IKZF5: variants seen among roughly 807,000 people sequenced by gnomAD.
IKZF5 encodes IKAROS family zinc finger 5, also known as zinc finger protein Pegasus.
In IKZF5, 4 loss-of-function variants were observed where a neutral mutation model predicts 30.7. The observed-to-expected ratio is 0.13, with a 90% confidence interval of 0.06 to 0.30. The LOEUF is 0.30. Among genes scored for constraint, IKZF5 ranks in the 10% least tolerant of loss-of-function variants. The pLI, the probability that IKZF5 is intolerant of heterozygous loss-of-function variation, is 1.00. For missense variants in IKZF5, 348 were observed against 525.5 expected (o/e 0.66, Z 3.30); for synonymous variants, 148 against 179.6 (o/e 0.82, Z 1.41).
chr10:123,006,185 A>T (rs1849774216), intron 2 of IKZF5, among the ~76,000 whole-genome samples: 1 of 152,220 alleles, frequency 6.6e-6, no homozygotes, highest in Non-Finnish European at 1.5e-5. Flanking sequence ...GGTAGGGGGA[A>T]AAGAGGTATA....
At chr10:122,996,881 G>C (rs948645443) in intron 3 of IKZF5, among the ~76,000 whole-genome samples, 2 of 150,494 alleles carry the variant, frequency 1.3e-5, no homozygotes, top group Non-Finnish European at 1.5e-5. Flanking sequence ...GGCAGTCAAA[G>C]AATCTCCAAA....
chr10:122,992,764 A>C lies in IKZF5; in HGVS notation c.*1016T>G, dbSNP rs1490757531. The C allele has an allele frequency of 2.0e-5, 3 of 152,430 alleles. No individual in the cohort carries two copies. The highest frequency in any genetic ancestry group is 4.8e-5 in the African/African-American group (2 of 41,468). 9.4% of individuals were successfully genotyped at this position (152,430 alleles called of 1,614,324 possible). A position where few individuals can be genotyped will look rare whatever the true frequency, so the allele number is the denominator to read the frequency against. On this transcript the variant is annotated 3_prime_UTR_variant, in exon 5 of 5. Transcript: ENST00000368886. ...AATGGCTAATTCTGAAGAGGAGACA[A>C]GAATCCATTTTGGACATGTTCTCAG...
intron 2 of IKZF5, among the ~76,000 whole-genome samples, chr10:123,006,523 ATCTTCCT>A (rs1001440292): frequency 2.4e-4 from 36 of 152,290 alleles, no homozygotes; most frequent in Middle Eastern, 3.4e-3. Flanking sequence ...TCTCTAACCT[ATCTTCCT>A]TCTTCCTTCT....
chr10:123,008,617 CCA>C (rs973046990), intron 1 of IKZF5, 75 bp downstream of exon 1: 10 of 310,284 alleles, frequency 3.2e-5, no homozygotes, highest in East Asian at 1.5e-4. Context: ...GAACCCAGCT[CCA>C]GTCTCCGGCC....
intron 2 of IKZF5, among the ~76,000 whole-genome samples, chr10:123,004,424 A>G (rs1366062447): frequency 6.6e-6 from 1 of 152,046 alleles, no homozygotes; most frequent in Non-Finnish European, 1.5e-5. Flanking sequence ...CAGTAAAAAC[A>G]CACAAGACTG....
Position 122,998,616 on chromosome 10 carries a change from T to C in IKZF5, c.10A>G (p.Lys4Glu). 6.2e-7 allele frequency: 1 copy of C among 1,612,114 alleles called. No individual in the cohort carries two copies. The highest frequency in any genetic ancestry group is 8.5e-7 in the Non-Finnish European group (1 of 1,179,474). ...ACGAAGTCCAAAGGCTCTGGTTTTT[T>C]TTCACCCATCTTTGCTTTTTTAACA... MGE[K>E]KPEPLDFVKD... The change falls in exon 3 of 5, where the codon AAA (lysine) becomes GAA (glutamate). Residue 4 changes from lysine (K) to glutamate (E), a missense_variant. Lys to Glu is a moderately conservative substitution (Grantham distance 56, BLOSUM62 1). Transcript: ENST00000368886.
At position 122,991,666 on chromosome 10, in the gene IKZF5, G is replaced by GCATAACT; in HGVS notation, c.*2113_*2114insAGTTATG. 1 of 152,122 alleles carries GCATAACT rather than the reference G, an allele frequency of 6.6e-6. No homozygotes were observed. The highest frequency in any genetic ancestry group is 2.4e-5 in the African/African-American group (1 of 41,440). The allele number at this position is 152,122 out of a possible 1,614,324, so 9.4% of individuals were successfully genotyped here. On this transcript the variant is annotated 3_prime_UTR_variant, in exon 5 of 5. Coordinates refer to ENST00000368886, the MANE Select transcript of IKZF5 (RefSeq NM_001372123.1). ...TGCCTCAAACATTTTAGTGCATTTA[G>GCATAACT]AATAACTGTAGCTTCTTAGCATCAA...
chr10:122,993,973 G>T lies in IKZF5; in HGVS notation c.1067C>A (p.Pro356Gln). 1 of 1,614,088 alleles carries T rather than the reference G, an allele frequency of 6.2e-7. No individual in the cohort carries two copies. The highest frequency in any genetic ancestry group is 8.5e-7 in the Non-Finnish European group (1 of 1,180,004). The change falls in exon 5 of 5, where the codon CCG (proline) becomes CAG (glutamine). Residue 356 changes from proline to glutamine, a missense_variant. Around this residue, in one of 4 missense-constraint regions of IKZF5, gnomAD observed 56 missense variants for 104.7 expected, o/e 0.53. Transcript: ENST00000368886. ...GTGCAGAAGCTGAGGGTCCTGGACCGGCAGGGCTGGGGCTGGGGTGCTTGG... is the reference window on the plus strand; with the variant it reads ...GTGCAGAAGCTGAGGGTCCTGGACCTGCAGGGCTGGGGCTGGGGTGCTTGG... ...SQPSTPAPALPVQDPQLLHHC... is the reference protein window; with the variant it reads ...SQPSTPAPALQVQDPQLLHHC...
Position 122,994,306 on chromosome 10 carries a change from T to C in IKZF5, c.734A>G (p.Glu245Gly), listed in dbSNP as rs1283022615. 1 of 1,614,088 alleles carries C rather than the reference T, an allele frequency of 6.2e-7. No homozygotes were observed. Among genetic ancestry groups the C allele is most frequent in the Non-Finnish European group, 8.5e-7 (1 of 1,180,010 alleles). ...ATTCAAAGGGTTATCAACCATGAGT[T>C]CTTGGGGGTCCCTTGGAAGGCCACC... ...PTGGLPRDPQ[E>G]LMVDNPLNQL... The change falls in exon 5 of 5, where the codon GAA (glutamate) becomes GGA (glycine). Residue 245 changes from glutamate to glycine, a missense_variant. Transcript: ENST00000368886. The surrounding 1 kb of genome is among the most constrained non-coding windows in gnomAD (Gnocchi z 5.6).
At chr10:123,007,866 T>G (rs1257714440) in intron 1 of IKZF5, among the ~76,000 whole-genome samples, 1 of 152,230 alleles carries the variant, frequency 6.6e-6, no homozygotes, top group African/African-American at 2.4e-5. Flanking sequence ...TACATTCTGT[T>G]CTTTCAAAAC....
intron 2 of IKZF5, among the ~76,000 whole-genome samples, chr10:123,003,091 C>T (rs1490246060): frequency 1.7e-4 from 26 of 150,280 alleles, no homozygotes; most frequent in African/African-American, 5.2e-4. Context: ...AGTGCAATGG[C>T]GTGATCTCGG....
intron 2 of IKZF5, among the ~76,000 whole-genome samples, chr10:123,003,191 C>T (rs893923797): frequency 2.4e-5 from 3 of 126,752 alleles, no homozygotes; most frequent in African/African-American, 6.4e-5. Flanking sequence ...CTACCACACC[C>T]GGCTGATATT....
chr10:122,994,196 C>G lies in IKZF5; in HGVS notation c.844G>C (p.Asp282His), dbSNP rs1209819274. 1.9e-6 allele frequency: 3 copies of G among 1,614,130 alleles called. No individual in the cohort carries two copies. The highest frequency in any genetic ancestry group is 3.3e-5 in the Admixed American group (2 of 60,010). The change falls in exon 5 of 5, where the codon GAT becomes CAT. Residue 282 changes from aspartate (D) to histidine (H), a missense_variant. This residue lies in a region of IKZF5 where 176 missense variants were observed against 198.2 expected (regional missense o/e 0.89). Coordinates refer to ENST00000368886, the MANE Select transcript of IKZF5 (RefSeq NM_001372123.1). The surrounding 1 kb of genome is among the most constrained non-coding windows in gnomAD (Gnocchi z 5.6). ...PASPDVVPCP[D>H]EKPFMIQQPS... is the part of the protein sequence containing the mutation. ...TGCTGAATCATGAAAGGCTTTTCAT[C>G]AGGGCAGGGAACTACATCAGGGGAT...
rs1164215458 is a variant in IKZF5 at position 122,992,630 on chromosome 10, C to T, written c.*1150G>A. 1 of 151,060 alleles carries T rather than the reference C, an allele frequency of 6.6e-6. No individual in the cohort carries two copies. The highest frequency in any genetic ancestry group is 2.5e-5 in the African/African-American group (1 of 40,440). The allele number at this position is 151,060 out of a possible 1,614,324, so 9.4% of individuals were successfully genotyped here. ...ATATTCACTTCCACACCTTTTTATCCTTTCTTACTAAAGCGATGATTTAGT... is the reference window on the plus strand; with the variant it reads ...ATATTCACTTCCACACCTTTTTATCTTTTCTTACTAAAGCGATGATTTAGT... On this transcript the variant is annotated 3_prime_UTR_variant, in exon 5 of 5. Coordinates refer to ENST00000368886, the MANE Select transcript of IKZF5 (RefSeq NM_001372123.1).
intron 2 of IKZF5, among the ~76,000 whole-genome samples, chr10:123,003,990 TATC>T (rs1849696525): frequency 6.6e-6 from 1 of 152,196 alleles, no homozygotes; most frequent in Admixed American, 6.5e-5. Flanking sequence ...TTCCCCATCT[TATC>T]ATGTTTATTT....
chr10:123,005,547 A>C (rs1849749346), intron 2 of IKZF5, among the ~76,000 whole-genome samples: 1 of 152,216 alleles, frequency 6.6e-6, no homozygotes, highest in Non-Finnish European at 1.5e-5. Flanking sequence ...ATTACAACTC[A>C]GATGTACTCT....
intron 2 of IKZF5, among the ~76,000 whole-genome samples, chr10:123,005,295 C>G (rs1849740311): frequency 6.6e-6 from 1 of 152,200 alleles, no homozygotes; most frequent in Admixed American, 6.5e-5. Flanking sequence ...CCCAGAGATG[C>G]CTCTAAGGCA....
At position 122,993,409 on chromosome 10, in the gene IKZF5, GA is replaced by G. The variant is rs1160436344; in HGVS notation, c.*370del. 1.9e-5 allele frequency: 3 copies of G among 157,648 alleles called. No homozygotes were observed. The highest frequency in any genetic ancestry group is 7.2e-5 in the African/African-American group (3 of 41,618). The allele number at this position is 157,648 out of a possible 1,614,324, so 9.8% of individuals were successfully genotyped here. A position where few individuals can be genotyped will look rare whatever the true frequency, so the allele number is the denominator to read the frequency against. On this transcript the variant is annotated 3_prime_UTR_variant, in exon 5 of 5. Transcript: ENST00000368886. ...TATTCTACCATTTTGAAATATGGCA[GA>G]AATAACATCCAGTTCAATGCATATT...
rs749294146 is a variant in IKZF5, at chr10:122,994,027, G to A, written c.1013C>T (p.Thr338Met). 9.9e-6 allele frequency: 16 copies of A among 1,613,956 alleles called. No individual in the cohort carries two copies. The highest frequency in any genetic ancestry group is 6.7e-5 in the African/African-American group (5 of 74,882). The change falls in exon 5 of 5, where the codon ACG becomes ATG. Residue 338 changes from threonine (T) to methionine (M), a missense_variant. Thr to Met is a moderately conservative substitution (Grantham distance 81). Around this residue, in one of 4 missense-constraint regions of IKZF5, gnomAD observed 56 missense variants for 104.7 expected, o/e 0.53. Transcript: ENST00000368886. The surrounding 1 kb of genome is among the most constrained non-coding windows in gnomAD (Gnocchi z 5.6). ...GCTGTTTCCTATGCTGGGAGTGCTC[G>A]TGTGGGCACTTGGCTCACTGCTTGG... is the stretch of plus-strand genomic sequence containing the variant. ...AGPSSEPSAH[T>M]STPSIGNSQP... is the part of the protein sequence containing the mutation.
Sources: gnomAD v4.1 joint callset for allele counts (sites outside exome capture counted in the v4.1 genomes callset) on GRCh38, gnomAD v4.1.1 for gene constraint, gnomAD v4.1.1 regional missense constraint, Gnocchi (gnomAD v3.1) non-coding constraint, MANE v1.5 for transcripts, NCBI Gene and HGNC (gene_info 2026-07-23, HGNC 2026-07-21) for gene names.